PCDHA11: variants seen among roughly 807,000 people sequenced by gnomAD.
PCDHA11 encodes the protein protocadherin alpha-11.
In PCDHA11, 61 loss-of-function variants were observed where a neutral mutation model predicts 70.3. The observed-to-expected ratio is 0.87, with a 90% CI of 0.71 to 1.07. The LOEUF (loss-of-function observed/expected upper bound fraction) is 1.07, where lower values mean the gene tolerates loss of function less well. PCDHA11 is among the 50% of genes least tolerant of loss of function. The probability of loss-of-function intolerance (pLI) is 0.00; values close to 1 mark genes in which losing one functional copy is unlikely to be tolerated. For missense variants in PCDHA11, 1,324 were observed against 1,237.5 expected, an observed-to-expected ratio of 1.07 and a Z score of -1.05; for synonymous variants, 633 against 555.1, an observed-to-expected ratio of 1.14 and a Z score of -1.97.
chr5:140,926,215 C>T (rs2083014396), intron 1 of PCDHA11, among the ~76,000 whole-genome samples: 1 of 152,170 alleles, frequency 6.6e-6, no homozygotes, highest in Non-Finnish European at 1.5e-5. Flanking sequence ...CTCCTGTTTC[C>T]TTAAGCCTAG....
Position 140,877,369 on chromosome 5 carries a change from A to C in PCDHA11, c.2391+5875A>C, listed in dbSNP as rs201135340. 6.4e-5 allele frequency: 103 copies of C among 1,614,000 alleles called. No homozygotes were observed. The African/African-American group carries it at 1.3e-3, about 20-fold the overall frequency. ...GGGGCTGTACACTGGCGAGATCAGC[A>C]CGACACGCATCCTGGATGAGGCGGA... On this transcript the variant is annotated intron_variant, in intron 1 of 3. Transcript: ENST00000398640.
intron 1 of PCDHA11, among the ~76,000 whole-genome samples, chr5:140,952,230 A>C (rs1177331328): frequency 6.6e-6 from 1 of 151,960 alleles, no homozygotes; most frequent in African/African-American, 2.4e-5. Flanking sequence ...ACAGTGTGCA[A>C]GCTGCTTAGA....
Position 140,870,822 on chromosome 5 carries a change from A to G in PCDHA11, c.1719A>G (p.Gly573=). Residue 573 remains glycine (G), a synonymous_variant, in exon 1 of 4, where the codon GGA becomes GGG. Coordinates refer to ENST00000398640, the MANE Select transcript of PCDHA11 (RefSeq NM_018902.5). ...ALLATQAGSA[G]GAVNKLVPRS... ...TGGCGACTCAGGCTGGCAGCGCGGG[A>G]GGCGCAGTTAACAAGCTAGTACCGC... The G allele has an allele frequency of 1.9e-6, 3 of 1,613,698 alleles. No individual in the cohort carries two copies. The highest frequency in any genetic ancestry group is 2.5e-6 in the Non-Finnish European group (3 of 1,179,892).
In PCDHA11 at chr5:140,927,795, G is replaced by T; in HGVS notation, c.2392-51154G>T. ...TGCAAGTAGCTGCTTCACTAGGTCC[G>T]CCTGAAACGCTCTTGGAGGCATACA... On this transcript the variant is annotated intron_variant, in intron 1 of 3. Transcript: ENST00000398640. The T allele has an allele frequency of 1.9e-6, 3 of 1,614,144 alleles. 1 individual carries two copies. The highest frequency in any genetic ancestry group is 2.2e-5 in the South Asian group (2 of 91,080).
intron 1 of PCDHA11, among the ~76,000 whole-genome samples, chr5:140,949,913 A>G (rs554549969): frequency 9.9e-5 from 15 of 151,452 alleles, no homozygotes; most frequent in Admixed American, 2.6e-4. Context: ...TTTAGATATA[A>G]CTATTTTTAG....
chr5:140,968,587 C>T (rs1554230892), intron 1 of PCDHA11: 8 of 1,614,196 alleles, frequency 5.0e-6, no homozygotes, highest in Non-Finnish European at 6.8e-6. Context: ...TCACCAAAGT[C>T]ATAGCTATGG....
In PCDHA11 at chr5:140,978,000, T is replaced by G. The variant is rs564788160; in HGVS notation, c.2392-949T>G. 2.0e-5 allele frequency among the ~76,000 whole-genome samples: 3 copies of G among 152,212 alleles called. No homozygotes were observed. In the South Asian group the frequency reaches 6.2e-4, roughly 32 times the overall value. On this transcript the variant is annotated intron_variant, in intron 1 of 3. Coordinates refer to ENST00000398640, the MANE Select transcript of PCDHA11 (RefSeq NM_018902.5). ...AACGCATCTAGAGGAGTGTCACAAG[T>G]TTTTCACAGTGACATTTTTGCTTAC...
At chr5:140,995,317 C>T (rs1554254587) in intron 3 of PCDHA11, among the ~76,000 whole-genome samples, 1 of 152,118 alleles carries the variant, frequency 6.6e-6, no homozygotes, top group Non-Finnish European at 1.5e-5. Flanking sequence ...TCTAAGTGAA[C>T]TAACAGGTGA....
intron 1 of PCDHA11, among the ~76,000 whole-genome samples, chr5:140,890,509 A>G (rs1448258191): frequency 6.6e-6 from 1 of 151,802 alleles, no homozygotes; most frequent in African/African-American, 2.4e-5. Flanking sequence ...TTATGTCTCT[A>G]TTTCCTTCCT....
chr5:140,908,824 C>T (rs1199416548), intron 1 of PCDHA11, among the ~76,000 whole-genome samples: 1 of 152,082 alleles, frequency 6.6e-6, no homozygotes, highest in African/African-American at 2.4e-5. Flanking sequence ...TTGGGTTACT[C>T]GATAAATGGG....
intron 3 of PCDHA11, among the ~76,000 whole-genome samples, chr5:140,988,762 C>T (rs546274253): frequency 6.6e-6 from 1 of 152,308 alleles, no homozygotes; most frequent in South Asian, 2.1e-4. Context: ...GGGCAGAATA[C>T]AGTCATGGTT....
chr5:140,941,820 C>T (rs2093176252), intron 1 of PCDHA11, among the ~76,000 whole-genome samples: 1 of 152,160 alleles, frequency 6.6e-6, no homozygotes, highest in Non-Finnish European at 1.5e-5. Flanking sequence ...AGGATGACTG[C>T]TGTAAATAAT....
chr5:140,954,209 T>C (rs2094996699), intron 1 of PCDHA11, among the ~76,000 whole-genome samples: 1 of 152,218 alleles, frequency 6.6e-6, no homozygotes, highest in Non-Finnish European at 1.5e-5. Context: ...GTTGATCCCA[T>C]GTTTTTGCTA....
rs908218007 is a variant in PCDHA11 at position 140,929,518 on chromosome 5, T to C, written c.2392-49431T>C. On this transcript the variant is annotated intron_variant, in intron 1 of 3. Transcript: ENST00000398640. ...ATTGCCCTAGGCCTCAAGGGACTTA[T>C]AGTTTATTTTTGAGAAACAAGGGCA... 7 of 753,028 alleles carry C rather than the reference T, an allele frequency of 9.3e-6. No homozygotes were observed. The Admixed American group carries it at 1.2e-4, about 13-fold the overall frequency. The allele number at this position is 753,028 out of a possible 1,614,324, so 46.6% of individuals were successfully genotyped here. A position where few individuals can be genotyped will look rare whatever the true frequency, so the allele number is the denominator to read the frequency against.
intron 2 of PCDHA11, 90 bp downstream of exon 2, chr5:140,979,097 C>T (rs2096835129): frequency 9.0e-6 from 14 of 1,547,204 alleles, no homozygotes; most frequent in African/African-American, 1.4e-5. Context: ...AAGCAGCTGT[C>T]AAAACTAAAA....
intron 1 of PCDHA11, among the ~76,000 whole-genome samples, chr5:140,938,308 T>C (rs1468853140): frequency 6.6e-6 from 1 of 152,212 alleles, no homozygotes; most frequent in Admixed American, 6.5e-5. Context: ...AAATTCAGTA[T>C]AAAATTGAAT....
At chr5:140,882,114 C>T (rs1464753090) in intron 1 of PCDHA11, 25 of 1,406,582 alleles carry the variant, frequency 1.8e-5, no homozygotes, top group Non-Finnish European at 2.2e-5. Flanking sequence ...AAGAAAGCCG[C>T]CGTTTCTTTC....
At chr5:140,911,589 C>A (rs1583792136) in intron 1 of PCDHA11, among the ~76,000 whole-genome samples, 1 of 152,302 alleles carries the variant, frequency 6.6e-6, no homozygotes, top group Middle Eastern at 3.4e-3. Flanking sequence ...TTAGGAGGAA[C>A]CAACCAACTT....
rs549444106 is a variant in PCDHA11 at position 140,953,999 on chromosome 5, T to C, written c.2392-24950T>C. Among the ~76,000 whole-genome samples the C allele has an allele frequency of 1.1e-4, 16 of 152,294 alleles. No homozygotes were observed. In the South Asian group the frequency reaches 3.3e-3, roughly 32 times the overall value. ...CCCTTCATATTTTCATGTGTACTCA[T>C]CATTCAGCTCCCACACATAGTGGGA... is the stretch of plus-strand genomic sequence containing the variant. On this transcript the variant is annotated intron_variant, in intron 1 of 3. Transcript: ENST00000398640.
Sources: gnomAD v4.1 joint callset for allele counts (sites outside exome capture counted in the v4.1 genomes callset) on GRCh38, gnomAD v4.1.1 for gene constraint, MANE v1.5 for transcripts, NCBI Gene and HGNC (gene_info 2026-07-23, HGNC 2026-07-21) for gene names.